PDE1A: variants seen among roughly 807,000 people sequenced by gnomAD.
The protein encoded by PDE1A is dual specificity calcium/calmodulin-dependent 3',5'-cyclic nucleotide phosphodiesterase 1A.
In PDE1A, 35 loss-of-function variants were observed where a neutral mutation model predicts 61.7. The ratio of observed to expected loss-of-function variants is 0.57; its 90% CI spans 0.43 to 0.75. PDE1A has a LOEUF of 0.75. PDE1A is among the 30% of genes least tolerant of loss of function. The pLI is 0.00. For missense variants in PDE1A, 597 were observed against 630.6 expected (o/e 0.95, Z 0.57); for synonymous variants, 232 against 213.2 (o/e 1.09, Z -0.77).
chr2:182,610,498 C>T, the PDE1A span, among the ~76,000 whole-genome samples: 1 of 151,812 alleles, frequency 6.6e-6, no homozygotes, highest in African/African-American at 2.4e-5. Flanking sequence ...CAAGCTGAAA[C>T]CTTTCTCAAA....
chr2:182,167,959 G>A, exon 14 of PDE1A: 1 of 1,172,128 alleles, frequency 8.5e-7, no homozygotes. Flanking sequence ...AAATTTATTG[G>A]CACTCGGTAA....
downstream of PDE1A, among the ~76,000 whole-genome samples, chr2:182,165,898 G>A (rs1574532988): frequency 6.6e-6 from 1 of 152,048 alleles, no homozygotes; most frequent in African/African-American, 2.4e-5. Context: ...CTTAATATCA[G>A]CATTTGAATA....
intron 2 of PDE1A, among the ~76,000 whole-genome samples, chr2:182,439,456 A>C (rs895624102): frequency 2.6e-5 from 4 of 152,040 alleles, no homozygotes; most frequent in Non-Finnish European, 5.9e-5. Context: ...AGTATTCAGC[A>C]AAGATGTCAG....
chr2:182,604,128 A>C, the PDE1A span, among the ~76,000 whole-genome samples: 1 of 152,102 alleles, frequency 6.6e-6, no homozygotes, highest in Non-Finnish European at 1.5e-5. Context: ...AAAGAATAAG[A>C]ATTTTAATTA....
At chr2:182,220,193 A>G (rs1688601742) in intron 7 of PDE1A, among the ~76,000 whole-genome samples, 1 of 152,126 alleles carries the variant, frequency 6.6e-6, no homozygotes, top group Non-Finnish European at 1.5e-5. Flanking sequence ...ATGAATAATC[A>G]TACCTCAATA....
At chr2:182,524,047 G>T (rs1483514273), upstream of PDE1A, among the ~76,000 whole-genome samples, 1 of 152,128 alleles carries the variant, frequency 6.6e-6, no homozygotes, top group Non-Finnish European at 1.5e-5. Flanking sequence ...TCTTTAGCTA[G>T]CAGACAGCTT....
intron 1 of PDE1A, among the ~76,000 whole-genome samples, chr2:182,412,012 C>T (rs1251791164): frequency 2.6e-5 from 4 of 151,156 alleles, no homozygotes; most frequent in South Asian, 4.2e-4. Flanking sequence ...GAGCCAACAC[C>T]GCACCATTGC....
At chr2:182,701,211 AT>A in the PDE1A span, among the ~76,000 whole-genome samples, 69 of 148,810 alleles carry the variant, frequency 4.6e-4, 1 homozygote, top group South Asian at 0.014. Context: ...ATTTTTTTGT[AT>A]TTTTAGTAAA....
intron 2 of PDE1A, among the ~76,000 whole-genome samples, chr2:182,499,674 C>A (rs552992728): frequency 3.3e-4 from 50 of 152,326 alleles, no homozygotes; most frequent in African/African-American, 1.2e-3. Context: ...GAACTGGTAT[C>A]TGCAAAATTC....
At chr2:182,564,022 T>C in the PDE1A span, among the ~76,000 whole-genome samples, 9 of 152,350 alleles carry the variant, frequency 5.9e-5, 1 homozygote, top group South Asian at 1.9e-3. Context: ...TGCCAGTCTG[T>C]GTCTTTTCAT....
chr2:182,228,304 C>G (rs1284309089), intron 6 of PDE1A, among the ~76,000 whole-genome samples: 1 of 152,118 alleles, frequency 6.6e-6, no homozygotes. Context: ...TAATTGCAAT[C>G]CCTTTCAGGA....
the PDE1A span, among the ~76,000 whole-genome samples, chr2:182,662,667 C>T: frequency 2.6e-5 from 4 of 152,106 alleles, no homozygotes; most frequent in African/African-American, 9.7e-5. Context: ...CCCTTCCTTA[C>T]ATCATATACA....
At chr2:182,437,264 C>T (rs1055516132) in intron 2 of PDE1A, among the ~76,000 whole-genome samples, 1 of 151,862 alleles carries the variant, frequency 6.6e-6, no homozygotes, top group Non-Finnish European at 1.5e-5. Flanking sequence ...TGATATATAT[C>T]CCCAACGTAC....
chr2:182,482,149 A>G (rs1445516423), intron 2 of PDE1A, among the ~76,000 whole-genome samples: 1 of 151,910 alleles, frequency 6.6e-6, no homozygotes, highest in Non-Finnish European at 1.5e-5. Context: ...GACAAAATTG[A>G]TTAAGCGCAA....
the PDE1A span, among the ~76,000 whole-genome samples, chr2:182,568,490 C>G: frequency 6.6e-6 from 1 of 151,794 alleles, no homozygotes; most frequent in Non-Finnish European, 1.5e-5. Context: ...AGCGGTGAAA[C>G]CCCATCTCTA....
intron 2 of PDE1A, among the ~76,000 whole-genome samples, chr2:182,247,541 T>C (rs1276725455): frequency 1.3e-5 from 2 of 152,222 alleles, no homozygotes; most frequent in African/African-American, 2.4e-5. Context: ...TTCTTACTTA[T>C]TCATTTTCCC....
At chr2:182,610,434 G>A in the PDE1A span, among the ~76,000 whole-genome samples, 1 of 152,070 alleles carries the variant, frequency 6.6e-6, no homozygotes. Context: ...CATGGAGGTG[G>A]TGCTCTCTGC....
chr2:182,201,667 C>T, intron 9 of PDE1A, 21 bp downstream of exon 9: 2 of 1,186,592 alleles, frequency 1.7e-6, no homozygotes, highest in Non-Finnish European at 2.3e-6. Context: ...AAAAAAACAA[C>T]AAAAAAAACA....
intron 1 of PDE1A, among the ~76,000 whole-genome samples, chr2:182,304,830 T>G (rs1221195238): frequency 2.0e-5 from 3 of 152,106 alleles, no homozygotes; most frequent in Non-Finnish European, 2.9e-5. Flanking sequence ...ATAACACACA[T>G]GATAATAACA....
Sources: gnomAD v4.1 joint callset for allele counts (sites outside exome capture counted in the v4.1 genomes callset) on GRCh38, gnomAD v4.1.1 for gene constraint, MANE v1.5 for transcripts, NCBI Gene and HGNC (gene_info 2026-07-23, HGNC 2026-07-21) for gene names.